The following SKP1 variants were observed in gnomAD, a reference collection of about 807,000 sequenced individuals.
The protein encoded by SKP1 is S-phase kinase-associated protein 1.
Under a neutral mutation model 21.5 loss-of-function variants are expected in SKP1, and 1 was observed. The ratio of observed to expected loss-of-function variants is 0.05; its 90% CI spans 0.02 to 0.22. SKP1 has a LOEUF of 0.22. SKP1 is among the 10% of genes least tolerant of loss of function. SKP1 has a pLI of 1.00. For synonymous variants in SKP1, 59 were observed against 59.3 expected (o/e 0.99, Z 0.03); for missense variants, 70 against 192.0 (o/e 0.36, Z 3.76).
chr5:134,158,095 C>A, intron 5 of SKP1: 2 of 1,416,930 alleles, frequency 1.4e-6, no homozygotes, highest in Non-Finnish European at 1.9e-6. Flanking sequence ...TCATTTCCTC[C>A]CCTCATTAAG....
rs996751034 is a variant in SKP1, at chr5:134,150,140, T to G, written c.*7593A>C. On this transcript the variant is annotated 3_prime_UTR_variant, in exon 6 of 6. Coordinates refer to ENST00000353411, the MANE Select transcript of SKP1 (RefSeq NM_170679.3). ...CAGCTGCTCCCCATTTTGTTCTCTG[T>G]GGATATGGTGAGGGTTCAGCCCAGC... 3.9e-5 allele frequency: 6 copies of G among 152,184 alleles called. No homozygotes were observed. The highest frequency in any genetic ancestry group is 1.4e-4 in the African/African-American group (6 of 41,414). 9.4% of individuals were successfully genotyped at this position (152,184 alleles called of 1,614,324 possible).
At chr5:134,174,845 A>G (rs988652307) in intron 1 of SKP1, 1 of 152,110 alleles carries the variant, frequency 6.6e-6, no homozygotes, top group Non-Finnish European at 1.5e-5. Flanking sequence ...TAAAAGTCCA[A>G]CAATTTCTTA....
chr5:134,168,039 G>A (rs2149375973), intron 2 of SKP1, among the ~76,000 whole-genome samples: 1 of 152,194 alleles, frequency 6.6e-6, no homozygotes, highest in East Asian at 1.9e-4. Flanking sequence ...TCTCTTAGGA[G>A]CATTTAAAAA....
Position 134,158,559 on chromosome 5 carries a change from C to G in SKP1, c.352G>C (p.Val118Leu). The change falls in exon 5 of 6, where the codon GTT (valine) becomes CTT (leucine). Residue 118 changes from valine to leucine, a missense_variant. Val to Leu is a conservative substitution (Grantham distance 32). This residue lies in a region of SKP1 where 14 missense variants were observed against 82.1 expected (regional missense o/e 0.17). Transcript: ENST00000353411. Reference sequence around the variant, plus strand: ...ATATTGGCAACAGTCTTGCATGTAACATCAAGCAAACCTTTGATGTCTAAG... The same window carrying G: ...ATATTGGCAACAGTCTTGCATGTAAGATCAAGCAAACCTTTGATGTCTAAG... ...NYLDIKGLLD[V>L]TCKTVANMIK... The G allele has an allele frequency of 6.2e-7, 1 of 1,613,532 alleles. No individual in the cohort carries two copies. The highest frequency in any genetic ancestry group is 1.1e-5 in the South Asian group (1 of 91,070).
intron 1 of SKP1, 87 bp from the exon 2 acceptor site, chr5:134,174,109 A>T (rs1197583762): frequency 1.2e-6 from 1 of 808,050 alleles, no homozygotes; most frequent in Non-Finnish European, 2.1e-6. Flanking sequence ...GAAGGCTCTA[A>T]CTTATTGACC....
At chr5:134,165,027 A>G (rs1199527544) in intron 3 of SKP1, among the ~76,000 whole-genome samples, 1 of 131,392 alleles carries the variant, frequency 7.6e-6, no homozygotes, top group East Asian at 2.3e-4. Context: ...ACCTAGCGTA[A>G]TTTTTTTTTT....
At chr5:134,173,369 T>TA in intron 2 of SKP1, 1 of 189,506 alleles carries the variant, frequency 5.3e-6, no homozygotes, top group Non-Finnish European at 1.1e-5. Flanking sequence ...CACGTGCCTG[T>TA]AGTCCCAGTT....
At chr5:134,173,676 G>A (rs1005597223) in intron 2 of SKP1, 1 of 565,080 alleles carries the variant, frequency 1.8e-6, no homozygotes. Flanking sequence ...CTAAGGCTTG[G>A]CAATCACTTC....
chr5:134,159,949 T>C (rs547700669), intron 4 of SKP1, among the ~76,000 whole-genome samples: 1 of 151,082 alleles, frequency 6.6e-6, no homozygotes, highest in South Asian at 2.1e-4. Flanking sequence ...TCCCAAAGTG[T>C]TGGGATCACA....
intron 3 of SKP1, among the ~76,000 whole-genome samples, chr5:134,163,158 T>C (rs1010448428): frequency 9.2e-5 from 12 of 129,930 alleles, no homozygotes; most frequent in African/African-American, 2.7e-4. Flanking sequence ...GAGGCTGTAG[T>C]GAGCCATGAT....
intron 2 of SKP1, among the ~76,000 whole-genome samples, chr5:134,171,260 T>C (rs1448831842): frequency 6.6e-6 from 1 of 152,170 alleles, no homozygotes; most frequent in African/African-American, 2.4e-5. Flanking sequence ...CTAGAAGTCC[T>C]CTAACTTATT....
At position 134,154,065 on chromosome 5, in the gene SKP1, T is replaced by C. The variant is rs1367942142; in HGVS notation, c.*3668A>G. 2 of 152,176 alleles carry C rather than the reference T, an allele frequency of 1.3e-5. No homozygotes were observed. The highest frequency in any genetic ancestry group is 2.9e-5 in the Non-Finnish European group (2 of 68,026). 9.4% of individuals were successfully genotyped at this position (152,176 alleles called of 1,614,324 possible). A position where few individuals can be genotyped will look rare whatever the true frequency, so the allele number is the denominator to read the frequency against. On this transcript the variant is annotated 3_prime_UTR_variant, in exon 6 of 6. Coordinates refer to ENST00000353411, the MANE Select transcript of SKP1 (RefSeq NM_170679.3). ...TGAATCTCTGAGAAAATATAAGAAC[T>C]GTAAAGCAGTATCTATTTTGTATAC...
intron 2 of SKP1, among the ~76,000 whole-genome samples, chr5:134,169,144 G>A (rs1761391059): frequency 6.6e-6 from 1 of 152,184 alleles, no homozygotes; most frequent in African/African-American, 2.4e-5. Context: ...ATCAAATGAT[G>A]TCAACAGGTC....
intron 5 of SKP1, chr5:134,158,058 TCAA>T: frequency 2.8e-6 from 4 of 1,453,752 alleles, no homozygotes; most frequent in Non-Finnish European, 3.7e-6. Context: ...TGTAGTCATG[TCAA>T]CAAAATCATT....
rs1761031648 is a variant in SKP1, at chr5:134,150,771, G to GC, written c.*6961dup. On this transcript the variant is annotated 3_prime_UTR_variant, in exon 6 of 6. Coordinates refer to ENST00000353411, the MANE Select transcript of SKP1 (RefSeq NM_170679.3). ...TTCCAAATCTCAAATCACCCTATGG[G>GC]CATCTTTCAAATTCTGACTCCTGAG... is the stretch of plus-strand genomic sequence containing the variant. 6.6e-6 allele frequency: 1 copy of GC among 152,182 alleles called. No homozygotes were observed. The highest frequency in any genetic ancestry group is 2.4e-5 in the African/African-American group (1 of 41,518). 9.4% of individuals were successfully genotyped at this position (152,182 alleles called of 1,614,324 possible). A position where few individuals can be genotyped will look rare whatever the true frequency, so the allele number is the denominator to read the frequency against.
In SKP1 at chr5:134,155,260, A is replaced by G. The variant is rs564364363; in HGVS notation, c.*2473T>C. 1 of 152,368 alleles carries G rather than the reference A, an allele frequency of 6.6e-6. No individual in the cohort carries two copies. The highest frequency in any genetic ancestry group is 2.1e-4 in the South Asian group (1 of 4,828). 9.4% of individuals were successfully genotyped at this position (152,368 alleles called of 1,614,324 possible). ...GAGTTTTGAAGACTGAGGTTTGGCT[A>G]CTGTGATAATGAGAAAGGACCACTC... On this transcript the variant is annotated 3_prime_UTR_variant, in exon 6 of 6. Coordinates refer to ENST00000353411, the MANE Select transcript of SKP1 (RefSeq NM_170679.3).
intron 1 of SKP1, 68 bp from the exon 2 acceptor site, chr5:134,174,090 A>G: frequency 1.1e-6 from 1 of 950,886 alleles, no homozygotes. Flanking sequence ...CATCAACTAC[A>G]GTCCATCAGA....
intron 4 of SKP1, among the ~76,000 whole-genome samples, chr5:134,160,182 C>G (rs1042855490): frequency 6.6e-6 from 1 of 151,556 alleles, no homozygotes; most frequent in Admixed American, 6.6e-5. Context: ...ATGGTGAAAC[C>G]CCATCTCTAC....
chr5:134,163,610 T>C (rs1761264537), intron 3 of SKP1, among the ~76,000 whole-genome samples: 1 of 151,752 alleles, frequency 6.6e-6, no homozygotes. Context: ...GGCAACATGG[T>C]GAAACTCCAT....
Sources: allele counts gnomAD v4.1 joint callset (sites outside exome capture counted in the v4.1 genomes callset), GRCh38; gene constraint gnomAD v4.1.1; regional missense constraint gnomAD v4.1.1; transcripts MANE v1.5; gene names NCBI Gene and HGNC (gene_info 2026-07-23, HGNC 2026-07-21).